AGPAT4: variants seen among roughly 807,000 people sequenced by gnomAD.
AGPAT4 encodes the protein 1-acyl-sn-glycerol-3-phosphate acyltransferase delta.
A neutral mutation model predicts 48.0 loss-of-function variants in AGPAT4; 15 were observed. The observed-to-expected ratio is 0.31, with a 90% CI of 0.21 to 0.48. The LOEUF (loss-of-function observed/expected upper bound fraction) is 0.48. Among genes scored for constraint, AGPAT4 ranks in the 20% least tolerant of loss-of-function variants. The pLI is 0.99. For missense variants in AGPAT4, 314 were observed against 482.5 expected (o/e 0.65, Z 3.27); for synonymous variants, 178 against 198.7 (o/e 0.90, Z 0.88).
chr6:161,185,427 G>T (rs1308264345), intron 2 of AGPAT4, among the ~76,000 whole-genome samples: 1 of 151,806 alleles, frequency 6.6e-6, no homozygotes, highest in African/African-American at 2.4e-5. Flanking sequence ...AGTAGCTGGG[G>T]CTACAGGCCT....
intron 2 of AGPAT4, among the ~76,000 whole-genome samples, chr6:161,224,033 C>G (rs1781902978): frequency 6.6e-6 from 1 of 152,190 alleles, no homozygotes; most frequent in Non-Finnish European, 1.5e-5. Context: ...ATTCCAGTAT[C>G]ATGTAAATTC....
intron 2 of AGPAT4, among the ~76,000 whole-genome samples, chr6:161,192,715 C>T (rs985368157): frequency 5.3e-5 from 8 of 152,168 alleles, no homozygotes; most frequent in African/African-American, 1.4e-4. Context: ...GTGAAAAACA[C>T]AATTATTGTT....
rs772031871 is a variant in AGPAT4, at chr6:161,153,392, T to G, written c.618A>C (p.Pro206=). 3 of 1,611,156 alleles carry G rather than the reference T, an allele frequency of 1.9e-6. No homozygotes were observed. Among genetic ancestry groups the G allele is most frequent in the Admixed American group, 3.4e-5 (2 of 59,670 alleles). ...CGGTGATGGCGAAGCCCTTGGTTCG[T>G]GGCAACAGGTGATGCTTGAGGCGAG... is the stretch of plus-strand genomic sequence containing the variant. ...GLPRLKHHLL[P]RTKGFAITVR... The change falls in exon 5 of 9, where the codon CCA becomes CCC. Residue 206 remains proline, a synonymous_variant. Transcript: ENST00000320285.
Position 161,184,876 on chromosome 6 carries a change from C to T in AGPAT4, c.179-18459G>A, listed in dbSNP as rs942115199. Among the ~76,000 whole-genome samples, 3 of 152,072 alleles carry T rather than the reference C, an allele frequency of 2.0e-5. No individual in the cohort carries two copies. Among genetic ancestry groups the T allele is most frequent in the African/African-American group, 7.2e-5 (3 of 41,402 alleles). On this transcript the variant is annotated intron_variant, in intron 2 of 8. Transcript: ENST00000320285. The surrounding 1 kb of genome is among the most constrained non-coding windows in gnomAD (Gnocchi z 4.8). ...TAGTATTCCTGGGAAAACTGTCAAA[C>T]TCAAAGTATCAAGCACCCATACATA...
At chr6:161,193,078 T>G (rs921100956) in intron 2 of AGPAT4, among the ~76,000 whole-genome samples, 2 of 152,252 alleles carry the variant, frequency 1.3e-5, no homozygotes, top group African/African-American at 2.4e-5. Flanking sequence ...TTGTCAGTTC[T>G]AGAAAATTCT....
In AGPAT4 at chr6:161,256,088, G is replaced by T. The variant is rs569592558; in HGVS notation, c.-90+17850C>A. 4.6e-5 allele frequency among the ~76,000 whole-genome samples: 7 copies of T among 152,242 alleles called. No homozygotes were observed. The South Asian group carries it at 1.0e-3, about 23-fold the overall frequency. Reference sequence around the variant, plus strand: ...TCCACCCTCACCCAGGCAGAGCAAGGTGTCCAGGCGAGGCCGGTTGGCAGG... The same window carrying T: ...TCCACCCTCACCCAGGCAGAGCAAGTTGTCCAGGCGAGGCCGGTTGGCAGG... On this transcript the variant is annotated intron_variant, in intron 1 of 8. Transcript: ENST00000320285.
rs11961305 is a variant in AGPAT4 at position 161,206,179 on chromosome 6, G to T, written c.178+25857C>A. Among the ~76,000 whole-genome samples the T allele has an allele frequency of 6.6e-6, 1 of 151,892 alleles. No homozygotes were observed. Among genetic ancestry groups the T allele is most frequent in the Non-Finnish European group, 1.5e-5 (1 of 67,984 alleles). On this transcript the variant is annotated intron_variant, in intron 2 of 8. Transcript: ENST00000320285. The surrounding 1 kb of genome is among the most constrained non-coding windows in gnomAD (Gnocchi z 4.8). ...AGACAGTAACTGCCCTACACCAACC[G>T]AACTCATGGAAAAACTGTGGCCCTA...
At chr6:161,175,115 T>G (rs1404204473) in intron 2 of AGPAT4, among the ~76,000 whole-genome samples, 7 of 152,180 alleles carry the variant, frequency 4.6e-5, no homozygotes, top group South Asian at 4.1e-4. Context: ...TTCTCTTTTT[T>G]TGTTGTGTCT....
intron 2 of AGPAT4, among the ~76,000 whole-genome samples, chr6:161,205,650 T>C (rs1418262126): frequency 1.3e-5 from 2 of 150,094 alleles, no homozygotes; most frequent in Non-Finnish European, 3.0e-5. Flanking sequence ...AAAAGCAGTA[T>C]ACAACTTCCC....
In AGPAT4 at chr6:161,136,643, AC is replaced by A. The variant is rs763709369; in HGVS notation, c.1043-10del. 3.7e-6 allele frequency: 6 copies of A among 1,613,342 alleles called. No homozygotes were observed. In the South Asian group the frequency reaches 6.6e-5, roughly 18 times the overall value. On this transcript the variant is annotated splice_polypyrimidine_tract_variant and intron_variant, in intron 8 of 8. Transcript: ENST00000320285. ...TCGAACTCCCACGGAGGCTGCAGAG[AC>A]AAGGAGAGCAGAGTTAGGAGTAGCC...
chr6:161,163,418 A>G (rs1180891925), intron 3 of AGPAT4, among the ~76,000 whole-genome samples: 1 of 152,102 alleles, frequency 6.6e-6, no homozygotes, highest in Non-Finnish European at 1.5e-5. Context: ...TCTGAAGGTC[A>G]TTAAAGACAA....
chr6:161,269,474 T>C (rs1189996575), intron 1 of AGPAT4, among the ~76,000 whole-genome samples: 1 of 152,192 alleles, frequency 6.6e-6, no homozygotes, highest in East Asian at 1.9e-4. Context: ...TAAATGCTTC[T>C]ATTAGAAGTG....
rs774217269 is a variant in AGPAT4, at chr6:161,154,418, C to T, written c.349-108G>A. ...AAGAGGAGGGGACGTTCACACCAGA[C>T]GCCTCGGGACAGTCCCAGAACACAT... On this transcript the variant is annotated intron_variant, in intron 3 of 8. Coordinates refer to ENST00000320285, the MANE Select transcript of AGPAT4 (RefSeq NM_020133.3). This position sits in a 1 kb window ranked among gnomAD's most constrained non-coding sequence, Gnocchi z 7.8. 95 of 1,280,886 alleles carry T rather than the reference C, an allele frequency of 7.4e-5. No homozygotes were observed. Among genetic ancestry groups the T allele is most frequent in the East Asian group, 5.2e-4 (21 of 40,242 alleles). The allele number at this position is 1,280,886 out of a possible 1,614,324, so 79.3% of individuals were successfully genotyped here.
In AGPAT4 at chr6:161,272,784, G is replaced by C; in HGVS notation, c.-90+1154C>G. ...GATACTTTTTTTCCAACTGAGAGTC[G>C]TTGACTAATCACAGATGAGTTAATC... On this transcript the variant is annotated intron_variant, in intron 1 of 8. Transcript: ENST00000320285. This position sits in a 1 kb window ranked among gnomAD's most constrained non-coding sequence, Gnocchi z 4.2. 6.6e-6 allele frequency among the ~76,000 whole-genome samples: 1 copy of C among 151,410 alleles called. No homozygotes were observed. The highest frequency in any genetic ancestry group is 1.5e-5 in the Non-Finnish European group (1 of 67,952).
intron 1 of AGPAT4, among the ~76,000 whole-genome samples, chr6:161,248,970 A>G (rs1782737963): frequency 6.6e-6 from 1 of 152,200 alleles, no homozygotes; most frequent in African/African-American, 2.4e-5. Flanking sequence ...AAACAGACAC[A>G]TAGACCAATG....
At chr6:161,248,468 T>C (rs59523745) in intron 1 of AGPAT4, among the ~76,000 whole-genome samples, 25,529 of 149,144 alleles carry the variant, frequency 0.17, 3,393 homozygotes, top group African/African-American at 0.37. Context: ...CAGCTCCTCG[T>C]GAGGCTGAGG....
In AGPAT4 at chr6:161,221,028, C is replaced by A. The variant is rs962557024; in HGVS notation, c.178+11008G>T. On this transcript the variant is annotated intron_variant, in intron 2 of 8. Transcript: ENST00000320285. This position sits in a 1 kb window ranked among gnomAD's most constrained non-coding sequence, Gnocchi z 4.5. The stretch of plus-strand genomic sequence containing the variant: ...TGAACTCCTGACCTCAGGTGATCTA[C>A]CCGCCTCAGCCTCCCAAAGTGCTGG... 3.9e-5 allele frequency among the ~76,000 whole-genome samples: 6 copies of A among 152,138 alleles called. No homozygotes were observed. Among genetic ancestry groups the A allele is most frequent in the African/African-American group, 1.4e-4 (6 of 41,428 alleles).
intron 3 of AGPAT4, among the ~76,000 whole-genome samples, chr6:161,156,028 C>T (rs1378675692): frequency 9.9e-5 from 15 of 152,194 alleles, no homozygotes; most frequent in Admixed American, 9.8e-4. Context: ...CTAGTGGGTC[C>T]TAGTGGTTGG....
Position 161,254,687 on chromosome 6 carries a change from A to G in AGPAT4, c.-90+19251T>C, listed in dbSNP as rs1330054574. On this transcript the variant is annotated intron_variant, in intron 1 of 8. Coordinates refer to ENST00000320285, the MANE Select transcript of AGPAT4 (RefSeq NM_020133.3). This position sits in a 1 kb window ranked among gnomAD's most constrained non-coding sequence, Gnocchi z 5.9. ...TCATGGAAAGCAGCATGGGTTAGCA[A>G]ATCCTTAGATTTACTGAGGCTACTT... 1.3e-5 allele frequency among the ~76,000 whole-genome samples: 2 copies of G among 152,200 alleles called. No homozygotes were observed. The highest frequency in any genetic ancestry group is 2.9e-5 in the Non-Finnish European group (2 of 68,038).
Sources: allele counts gnomAD v4.1 joint callset (sites outside exome capture counted in the v4.1 genomes callset), GRCh38; gene constraint gnomAD v4.1.1; non-coding constraint Gnocchi (gnomAD v3.1); transcripts MANE v1.5; gene names NCBI Gene and HGNC (gene_info 2026-07-23, HGNC 2026-07-21).